Variants in PCDHA9 observed in about 807,000 individuals in gnomAD.
PCDHA9 encodes protocadherin alpha-9.
PCDHA9 carries 62 observed loss-of-function variants against 62.0 expected under a neutral mutation model. The observed-to-expected ratio is 1.00, with a 90% CI of 0.81 to 1.23. PCDHA9 has a LOEUF of 1.23. PCDHA9 is among the 50% of genes most tolerant of loss of function. PCDHA9 has a pLI of 0.00. For missense variants in PCDHA9, 1,205 were observed against 1,249.8 expected (o/e 0.96, Z 0.54); for synonymous variants, 557 against 567.6 (o/e 0.98, Z 0.27).
chr5:140,993,238 T>A (rs896841031), intron 3 of PCDHA9, among the ~76,000 whole-genome samples: 1 of 152,182 alleles, frequency 6.6e-6, no homozygotes, highest in African/African-American at 2.4e-5. Context: ...TCTCTGAATC[T>A]GGGGATTTAG....
At chr5:140,976,818 G>A (rs782290955) in intron 1 of PCDHA9, among the ~76,000 whole-genome samples, 5 of 152,208 alleles carry the variant, frequency 3.3e-5, no homozygotes, top group Admixed American at 6.5e-5. Flanking sequence ...ATATGCATGT[G>A]TCTAATGAGC....
chr5:140,928,082 T>G, intron 1 of PCDHA9: 1 of 1,614,212 alleles, frequency 6.2e-7, no homozygotes, highest in Non-Finnish European at 8.5e-7. Context: ...TACTACAGCC[T>G]GCTGATTGAT....
intron 1 of PCDHA9, among the ~76,000 whole-genome samples, chr5:140,975,592 C>A (rs2096673847): frequency 6.6e-6 from 1 of 152,170 alleles, no homozygotes; most frequent in Non-Finnish European, 1.5e-5. Context: ...TCCCAGAGGG[C>A]AATTTGTTGA....
chr5:140,885,164 T>G (rs2060495549), intron 1 of PCDHA9, among the ~76,000 whole-genome samples: 1 of 151,598 alleles, frequency 6.6e-6, no homozygotes, highest in African/African-American at 2.4e-5. Context: ...TCTCTACTTT[T>G]TTGTCCTCTA....
chr5:140,924,274 T>C (rs904028474), intron 1 of PCDHA9, among the ~76,000 whole-genome samples: 1 of 152,232 alleles, frequency 6.6e-6, no homozygotes, highest in East Asian at 1.9e-4. Flanking sequence ...TCTGTACTTG[T>C]GACTACCTAA....
At chr5:140,951,034 A>G (rs1407307131) in intron 1 of PCDHA9, among the ~76,000 whole-genome samples, 1 of 151,932 alleles carries the variant, frequency 6.6e-6, no homozygotes, top group African/African-American at 2.4e-5. Context: ...TTAATTTCAA[A>G]TATTATATTT....
intron 1 of PCDHA9, chr5:140,867,094 A>T (rs1289520469): frequency 6.6e-6 from 1 of 152,180 alleles, no homozygotes; most frequent in Admixed American, 6.5e-5. Flanking sequence ...GTTGGAAATT[A>T]ACACCTAAAT....
At chr5:140,973,375 C>A (rs2096584404) in intron 1 of PCDHA9, among the ~76,000 whole-genome samples, 1 of 152,182 alleles carries the variant, frequency 6.6e-6, no homozygotes, top group Admixed American at 6.5e-5. Context: ...GCACAATGGT[C>A]AGAATAGACA....
chr5:140,861,207 AC>A (rs2046795908), intron 1 of PCDHA9: 1 of 165,948 alleles, frequency 6.0e-6, no homozygotes, highest in East Asian at 1.8e-4. Context: ...TGTTTTACTA[AC>A]CAAAAGAGAG....
intron 1 of PCDHA9, chr5:140,884,259 C>T (rs1554181391): frequency 1.9e-6 from 3 of 1,613,378 alleles, no homozygotes; most frequent in Admixed American, 1.7e-5. Flanking sequence ...GCCACGGCAA[C>T]GGTGCTGTTG....
intron 1 of PCDHA9, among the ~76,000 whole-genome samples, chr5:140,913,140 G>T (rs1562991745): frequency 6.6e-6 from 1 of 152,068 alleles, no homozygotes; most frequent in African/African-American, 2.4e-5. Context: ...CTACTTTTTG[G>T]AATAGTTTGA....
intron 1 of PCDHA9, among the ~76,000 whole-genome samples, chr5:140,905,770 C>T (rs1402548672): frequency 6.6e-6 from 1 of 151,878 alleles, no homozygotes; most frequent in African/African-American, 2.4e-5. Flanking sequence ...AAGTATATTC[C>T]GAAGTGTATT....
At chr5:140,964,383 G>A (rs543441248) in intron 1 of PCDHA9, among the ~76,000 whole-genome samples, 1 of 152,142 alleles carries the variant, frequency 6.6e-6, no homozygotes, top group Non-Finnish European at 1.5e-5. Context: ...GAGAGTCCTG[G>A]TTTTTCTCCC....
intron 1 of PCDHA9, among the ~76,000 whole-genome samples, chr5:140,957,165 A>C (rs2095338056): frequency 6.6e-6 from 1 of 152,190 alleles, no homozygotes; most frequent in African/African-American, 2.4e-5. Context: ...AAATCTAAGT[A>C]TATAAATTGG....
Position 140,916,977 on chromosome 5 carries a change from T to A in PCDHA9, c.2395-61972T>A, listed in dbSNP as rs569550595. Among the ~76,000 whole-genome samples the A allele has an allele frequency of 2.6e-5, 4 of 152,302 alleles. No individual in the cohort carries two copies. In the South Asian group the frequency reaches 8.3e-4, roughly 32 times the overall value. On this transcript the variant is annotated intron_variant, in intron 1 of 3. Transcript: ENST00000532602. ...AGTTCTGACTGCTGGGATGAGTGAT[T>A]CGCCTCTGGCCAGGCCTGTTCCAAA...
chr5:140,952,798 G>A (rs1554220633), intron 1 of PCDHA9, among the ~76,000 whole-genome samples: 1 of 152,138 alleles, frequency 6.6e-6, no homozygotes, highest in Non-Finnish European at 1.5e-5. Flanking sequence ...TAACTGGCTC[G>A]CAGTTCTGCA....
chr5:140,900,342 A>T (rs965236795), intron 1 of PCDHA9, among the ~76,000 whole-genome samples: 3 of 152,034 alleles, frequency 2.0e-5, no homozygotes, highest in South Asian at 2.1e-4. Context: ...CCGTGGCGCA[A>T]TCTTGGCTCA....
intron 1 of PCDHA9, among the ~76,000 whole-genome samples, chr5:140,909,407 T>C (rs1004172644): frequency 3.3e-5 from 5 of 152,172 alleles, no homozygotes; most frequent in Non-Finnish European, 7.3e-5. Context: ...GCAATTGCAG[T>C]TACCATTTGG....
At chr5:140,865,776 T>C (rs1179893870) in intron 1 of PCDHA9, 1 of 152,204 alleles carries the variant, frequency 6.6e-6, no homozygotes, top group African/African-American at 2.4e-5. Flanking sequence ...ATTATTCAAA[T>C]GTGTATCTTT....
Sources: allele counts gnomAD v4.1 joint callset (sites outside exome capture counted in the v4.1 genomes callset), GRCh38; gene constraint gnomAD v4.1.1; transcripts MANE v1.5; gene names NCBI Gene and HGNC (gene_info 2026-07-23, HGNC 2026-07-21).